The following DST variants were observed in gnomAD, a reference collection of about 807,000 sequenced individuals.
DST encodes the protein dystonin, also known as bullous pemphigoid antigen.
Under a neutral mutation model 875.2 loss-of-function variants are expected in DST, and 253 were observed. That is an observed-to-expected ratio of 0.29 (90% CI 0.26 to 0.32). DST has a LOEUF of 0.32. DST is among the 10% of genes least tolerant of loss of function. The pLI, the probability that DST is intolerant of heterozygous loss-of-function variation, is 1.00. For missense variants in DST, 8,287 were observed against 9,111.6 expected (o/e 0.91, Z 3.68); for synonymous variants, 3,124 against 3,197.1 (o/e 0.98, Z 0.77).
chr6:56,611,833 T>C (rs1185504203), intron 37 of DST, among the ~76,000 whole-genome samples: 1 of 152,072 alleles, frequency 6.6e-6, no homozygotes, highest in Non-Finnish European at 1.5e-5. Flanking sequence ...CAAGAGAAAA[T>C]AATACATTAT....
At chr6:56,874,092 G>A (rs1204429556) in intron 3 of DST, among the ~76,000 whole-genome samples, 2 of 152,112 alleles carry the variant, frequency 1.3e-5, no homozygotes, top group East Asian at 3.9e-4. Flanking sequence ...TCCAGCCTGG[G>A]CAACACAGAG....
intron 49 of DST, among the ~76,000 whole-genome samples, chr6:56,584,335 A>G (rs2098096606): frequency 6.6e-6 from 1 of 151,970 alleles, no homozygotes; most frequent in Non-Finnish European, 1.5e-5. Flanking sequence ...ATTCCTAAGT[A>G]TTTTATTCTC....
intron 45 of DST, among the ~76,000 whole-genome samples, chr6:56,599,331 ATAT>A (rs1289492492): frequency 6.6e-6 from 1 of 151,802 alleles, no homozygotes; most frequent in Non-Finnish European, 1.5e-5. Flanking sequence ...CTGAGTTTTA[ATAT>A]TATTTTTTCC....
chr6:56,536,721 C>A, intron 62 of DST, 58 bp downstream of exon 62: 2 of 1,434,770 alleles, frequency 1.4e-6, no homozygotes, highest in Non-Finnish European at 9.2e-7. Flanking sequence ...TCATGGTCAC[C>A]ACAAATGCTC....
chr6:56,711,617 G>C lies in DST; in HGVS notation c.688-7248C>G, dbSNP rs192800058. On this transcript the variant is annotated intron_variant, in intron 5 of 103. Transcript: ENST00000680361. ...TTCAGAAATCAATATACTCTGCATA[G>C]TATATCTTTTTTGGTATCTGTCCAG... Among the ~76,000 whole-genome samples the C allele has an allele frequency of 3.2e-3, 480 of 152,174 alleles. 1 individual carries two copies. The highest frequency in any genetic ancestry group is 4.9e-3 in the Non-Finnish European group (332 of 68,010).
At chr6:56,697,017 G>A (rs2099267763) in intron 9 of DST, among the ~76,000 whole-genome samples, 1 of 151,718 alleles carries the variant, frequency 6.6e-6, no homozygotes, top group Non-Finnish European at 1.5e-5. Context: ...TGTACCTCTG[G>A]CTTCTCAGCT....
At chr6:56,674,503 G>C (rs1047171287) in intron 9 of DST, among the ~76,000 whole-genome samples, 2 of 152,032 alleles carry the variant, frequency 1.3e-5, no homozygotes, top group African/African-American at 4.8e-5. Context: ...CACCATGTTG[G>C]CCAGGCTGGT....
At chr6:56,901,629 A>G (rs28526709) in intron 2 of DST, among the ~76,000 whole-genome samples, 13 of 151,420 alleles carry the variant, frequency 8.6e-5, no homozygotes, top group East Asian at 1.9e-4. Flanking sequence ...AAATATATAT[A>G]TGTGTGTGTG....
chr6:56,497,287 G>A, intron 82 of DST, 92 bp downstream of exon 82: 1 of 1,436,254 alleles, frequency 7.0e-7, no homozygotes, highest in Non-Finnish European at 9.5e-7. Context: ...TATCTTTAAA[G>A]CCTTCTCCCA....
At chr6:56,496,931 G>A (rs11961668) in intron 82 of DST, among the ~76,000 whole-genome samples, 42,671 of 151,678 alleles carry the variant, frequency 0.28, 6,190 homozygotes, top group Middle Eastern at 0.44. Flanking sequence ...CCCAAACACT[G>A]CATATTCTCA....
chr6:56,571,894 T>C (rs1427178806), intron 53 of DST, among the ~76,000 whole-genome samples: 1 of 152,208 alleles, frequency 6.6e-6, no homozygotes, highest in Non-Finnish European at 1.5e-5. Context: ...GTAAGAAGTA[T>C]TGAATTTTCC....
chr6:56,600,276 A>G, intron 44 of DST, 55 bp from the exon 45 acceptor site: 1 of 1,519,458 alleles, frequency 6.6e-7, no homozygotes, highest in East Asian at 2.3e-5. Flanking sequence ...CAAAATCGCT[A>G]TTGTGATAGC....
intron 36 of DST, chr6:56,619,235 A>T: frequency 6.2e-7 from 1 of 1,613,494 alleles, no homozygotes; most frequent in Non-Finnish European, 8.5e-7. Flanking sequence ...CTCTAAAACT[A>T]TATTCTCTGA....
intron 4 of DST, chr6:56,843,394 T>G (rs2099802888): frequency 2.7e-6 from 3 of 1,126,892 alleles, no homozygotes; most frequent in South Asian, 8.8e-5. Context: ...GGAGCCCGAG[T>G]CCCTCTCGGG....
At chr6:56,644,300 T>G (rs2098929598) in intron 15 of DST, among the ~76,000 whole-genome samples, 1 of 152,242 alleles carries the variant, frequency 6.6e-6, no homozygotes, top group Non-Finnish European at 1.5e-5. Context: ...AATCCAGTTA[T>G]GTACACATAT....
At chr6:56,757,981 C>T (rs2099608189) in intron 4 of DST, among the ~76,000 whole-genome samples, 1 of 152,150 alleles carries the variant, frequency 6.6e-6, no homozygotes. Flanking sequence ...CAATGCTTTC[C>T]AACAAACCTA....
intron 4 of DST, among the ~76,000 whole-genome samples, chr6:56,810,137 G>A (rs2099758160): frequency 6.6e-6 from 1 of 152,090 alleles, no homozygotes. Flanking sequence ...GACCAGCTTG[G>A]ACAACATAGC....
chr6:56,877,679 C>T (rs1478283595), intron 3 of DST, among the ~76,000 whole-genome samples: 1 of 152,264 alleles, frequency 6.6e-6, no homozygotes, highest in Non-Finnish European at 1.5e-5. Context: ...CAAATTGGAA[C>T]ATTTTTAATT....
intron 7 of DST, among the ~76,000 whole-genome samples, chr6:56,702,410 T>C (rs949806469): frequency 6.6e-6 from 1 of 151,634 alleles, no homozygotes; most frequent in African/African-American, 2.4e-5. Context: ...CACATATATA[T>C]ATACATATGG....
Sources: allele counts gnomAD v4.1 joint callset (sites outside exome capture counted in the v4.1 genomes callset), GRCh38; gene constraint gnomAD v4.1.1; transcripts MANE v1.5; gene names NCBI Gene and HGNC (gene_info 2026-07-23, HGNC 2026-07-21).